Variants in IL1RAPL1 observed in about 807,000 individuals in gnomAD.
IL1RAPL1 encodes interleukin-1 receptor accessory protein-like 1.
In IL1RAPL1, 3 loss-of-function variants were observed where a neutral mutation model predicts 48.4. That is an observed-to-expected ratio of 0.06 (90% CI 0.03 to 0.16). The LOEUF (loss-of-function observed/expected upper bound fraction) is 0.16. Ranked by LOEUF, IL1RAPL1 falls within the 10% of genes least tolerant of loss-of-function variation. IL1RAPL1 has a pLI of 1.00. For missense variants in IL1RAPL1, 349 were observed against 530.6 expected (o/e 0.66, Z 3.36); for synonymous variants, 185 against 187.7 (o/e 0.99, Z 0.12).
intron 5 of IL1RAPL1, among the ~76,000 whole-genome samples, chrX:29,620,473 C>T (rs1462706602): frequency 4.5e-5 from 5 of 112,026 alleles, no homozygotes; most frequent in Non-Finnish European, 9.4e-5. Context: ...AGAAAAGGTA[C>T]AGTCATATTT....
chrX:29,265,233 T>C (rs1931932220), intron 2 of IL1RAPL1, among the ~76,000 whole-genome samples: 1 of 110,612 alleles, frequency 9.0e-6, no homozygotes. Context: ...AATTTTTAGA[T>C]AAGGATCTAC....
At chrX:29,562,115 AATCT>A (rs560107095) in intron 5 of IL1RAPL1, among the ~76,000 whole-genome samples, 11,947 of 58,339 alleles carry the variant, frequency 0.2, 1,121 homozygotes, top group Admixed American at 0.25. Context: ...CTATCTATCT[AATCT>A]ATCTATCTAT....
chrX:29,620,343 A>T (rs1924423469), intron 5 of IL1RAPL1, among the ~76,000 whole-genome samples: 1 of 111,630 alleles, frequency 9.0e-6, no homozygotes, highest in Non-Finnish European at 1.9e-5. Flanking sequence ...GTTTTAGCCT[A>T]CTGAATATCT....
At chrX:28,616,482 G>A (rs747093080) in intron 1 of IL1RAPL1, among the ~76,000 whole-genome samples, 2 of 108,696 alleles carry the variant, frequency 1.8e-5, no homozygotes, top group East Asian at 2.9e-4. Flanking sequence ...CACCCGGGCT[G>A]GAGTGCAATG....
chrX:29,600,079 T>G (rs1923671138), intron 5 of IL1RAPL1, among the ~76,000 whole-genome samples: 1 of 112,047 alleles, frequency 8.9e-6, no homozygotes, highest in Non-Finnish European at 1.9e-5. Context: ...GTGATCTTTT[T>G]GGGGTATTAA....
intron 1 of IL1RAPL1, among the ~76,000 whole-genome samples, chrX:28,614,059 C>T (rs1934184394): frequency 8.9e-6 from 1 of 111,812 alleles, no homozygotes; most frequent in African/African-American, 3.3e-5. Context: ...GAAGGCAGTA[C>T]TTAACCTGCT....
chrX:29,034,341 T>C (rs1448306292), intron 2 of IL1RAPL1, among the ~76,000 whole-genome samples: 1 of 112,328 alleles, frequency 8.9e-6, no homozygotes, highest in Non-Finnish European at 1.9e-5. Context: ...CAATCATCTT[T>C]ACATGACTGC....
chrX:29,216,251 G>A (rs1930866723), intron 2 of IL1RAPL1, among the ~76,000 whole-genome samples: 1 of 110,777 alleles, frequency 9.0e-6, no homozygotes, highest in African/African-American at 3.3e-5. Context: ...GTGCAGTGGT[G>A]CGATCACAAT....
chrX:29,809,698 CAT>C (rs1194808281), intron 6 of IL1RAPL1, among the ~76,000 whole-genome samples: 1 of 109,673 alleles, frequency 9.1e-6, no homozygotes, highest in East Asian at 2.8e-4. Flanking sequence ...ACTCCAAACA[CAT>C]AAAACAGATC....
intron 2 of IL1RAPL1, among the ~76,000 whole-genome samples, chrX:28,895,374 G>A (rs1012727023): frequency 1.8e-5 from 2 of 108,456 alleles, no homozygotes; most frequent in Admixed American, 9.9e-5. Flanking sequence ...GGCATTGAGG[G>A]GGGTAAGGGT....
At chrX:29,319,448 C>T (rs941482400) in intron 3 of IL1RAPL1, among the ~76,000 whole-genome samples, 9 of 93,162 alleles carry the variant, frequency 9.7e-5, no homozygotes, top group African/African-American at 3.2e-4. Flanking sequence ...AAGCAATCCT[C>T]CTACCTCAGC....
intron 6 of IL1RAPL1, among the ~76,000 whole-genome samples, chrX:29,913,853 C>T (rs978317817): frequency 5.4e-5 from 6 of 111,387 alleles, no homozygotes; most frequent in African/African-American, 2.0e-4. Flanking sequence ...CCTGCTCTTG[C>T]GTCATCAGGG....
intron 6 of IL1RAPL1, among the ~76,000 whole-genome samples, chrX:29,830,449 CTT>C (rs201355062): frequency 2.1e-4 from 20 of 97,243 alleles, no homozygotes; most frequent in Non-Finnish European, 2.1e-4. Context: ...AATTCTGACT[CTT>C]TTTTTTTTTT....
chrX:29,500,069 TG>T (rs1935255663), intron 5 of IL1RAPL1, among the ~76,000 whole-genome samples: 1 of 110,329 alleles, frequency 9.1e-6, no homozygotes, highest in African/African-American at 3.3e-5. Context: ...CTCTGCCTCC[TG>T]GGTCCAAGCA....
At chrX:29,731,310 T>C (rs757631483) in intron 6 of IL1RAPL1, among the ~76,000 whole-genome samples, 7 of 112,211 alleles carry the variant, frequency 6.2e-5, no homozygotes, top group Non-Finnish European at 1.1e-4. Context: ...ACTAGTGAGT[T>C]GTATTGTCCA....
chrX:28,755,242 C>T (rs1459765787), intron 1 of IL1RAPL1, among the ~76,000 whole-genome samples: 3 of 111,673 alleles, frequency 2.7e-5, no homozygotes, highest in Non-Finnish European at 5.6e-5. Context: ...GTAATCCACC[C>T]GCCTTGGCCT....
rs1348695209 is a variant in IL1RAPL1, at chrX:29,215,032, C to T, written c.83-67906C>T. On this transcript the variant is annotated intron_variant, in intron 2 of 10. Coordinates refer to ENST00000378993, the MANE Select transcript of IL1RAPL1 (RefSeq NM_014271.4). ...ATAATATGTCATTAAAATATAAATA[C>T]TAAAGGCTGTCAAGATTTTTTTTTA... Among the ~76,000 whole-genome samples, 3 of 110,995 alleles carry T rather than the reference C, an allele frequency of 2.7e-5. No homozygotes were observed. The East Asian group carries it at 8.4e-4, about 31-fold the overall frequency.
intron 1 of IL1RAPL1, among the ~76,000 whole-genome samples, chrX:28,754,302 G>T (rs1936082754): frequency 1.8e-5 from 2 of 111,342 alleles, no homozygotes; most frequent in African/African-American, 3.3e-5. Flanking sequence ...CATTCATTTT[G>T]TTCTTTAAGG....
chrX:29,490,821 A>G (rs956442096), intron 5 of IL1RAPL1, among the ~76,000 whole-genome samples: 1 of 84,695 alleles, frequency 1.2e-5, no homozygotes, highest in East Asian at 3.4e-4. Context: ...GTACACAGTT[A>G]CTCATCTGAG....
Sources: allele counts gnomAD v4.1 joint callset (sites outside exome capture counted in the v4.1 genomes callset), GRCh38; gene constraint gnomAD v4.1.1; transcripts MANE v1.5; gene names NCBI Gene and HGNC (gene_info 2026-07-23, HGNC 2026-07-21).